The following TMEM108 variants were observed in gnomAD, a reference collection of about 807,000 sequenced individuals.
The protein encoded by TMEM108 is transmembrane protein 108.
TMEM108 carries 12 observed loss-of-function variants against 35.1 expected under a neutral mutation model. That is an observed-to-expected ratio of 0.34 (90% CI 0.22 to 0.55). TMEM108 has a LOEUF of 0.55. Ranked by LOEUF, TMEM108 falls within the 20% of genes least tolerant of loss-of-function variation. The probability of loss-of-function intolerance (pLI) is 0.89; values close to 1 mark genes in which losing one functional copy is unlikely to be tolerated. For missense variants in TMEM108, 680 were observed against 753.3 expected (o/e 0.90, Z 1.14); for synonymous variants, 287 against 308.6 (o/e 0.93, Z 0.73).
At chr3:133,350,398 G>A (rs1311110580) in intron 3 of TMEM108, among the ~76,000 whole-genome samples, 1 of 151,960 alleles carries the variant, frequency 6.6e-6, no homozygotes, top group Non-Finnish European at 1.5e-5. Flanking sequence ...GTAAAACATT[G>A]TGTATTACTA....
chr3:133,390,985 C>T (rs1025031657), intron 5 of TMEM108, among the ~76,000 whole-genome samples: 2 of 152,218 alleles, frequency 1.3e-5, no homozygotes, highest in Non-Finnish European at 2.9e-5. Flanking sequence ...ACTTTAACCA[C>T]AGAATCCATA....
intron 2 of TMEM108, among the ~76,000 whole-genome samples, chr3:133,064,437 T>G (rs940726935): frequency 7.2e-5 from 11 of 152,222 alleles, no homozygotes; most frequent in African/African-American, 2.7e-4. Flanking sequence ...TCACAGTCTG[T>G]TGAGCCCTAA....
intron 3 of TMEM108, among the ~76,000 whole-genome samples, chr3:133,343,633 A>G (rs2071729252): frequency 6.6e-6 from 1 of 151,872 alleles, no homozygotes; most frequent in African/African-American, 2.4e-5. Context: ...CAAAAAGAAA[A>G]GGAAACTATA....
chr3:133,267,242 C>T (rs1946712339), intron 3 of TMEM108, among the ~76,000 whole-genome samples: 2 of 152,190 alleles, frequency 1.3e-5, no homozygotes, highest in African/African-American at 4.8e-5. Flanking sequence ...ATATAGTCCT[C>T]TGCCTCTAAG....
chr3:133,157,766 T>G (rs1944901548), intron 2 of TMEM108, among the ~76,000 whole-genome samples: 1 of 152,230 alleles, frequency 6.6e-6, no homozygotes, highest in South Asian at 2.1e-4. Context: ...ATAGTCACTC[T>G]GATGATCCAA....
At chr3:133,061,212 C>CTTTT (rs778632376) in intron 2 of TMEM108, among the ~76,000 whole-genome samples, 2,691 of 129,910 alleles carry the variant, frequency 0.021, 68 homozygotes, top group South Asian at 0.048. Context: ...GGCATGTCTC[C>CTTTT]TTTTTTTTTT....
chr3:133,372,896 T>C (rs534585312), intron 3 of TMEM108, among the ~76,000 whole-genome samples: 1 of 152,344 alleles, frequency 6.6e-6, no homozygotes, highest in South Asian at 2.1e-4. Context: ...GTCACAGGCA[T>C]GGATTGCCTC....
chr3:133,252,659 CAAAAA>C (rs1404717954), intron 3 of TMEM108, among the ~76,000 whole-genome samples: 1 of 151,752 alleles, frequency 6.6e-6, no homozygotes, highest in Non-Finnish European at 1.5e-5. Context: ...AGTAGAGAAA[CAAAAA>C]AGAAAAGATG....
At chr3:133,070,179 C>CT (rs1576302456) in intron 2 of TMEM108, among the ~76,000 whole-genome samples, 1 of 152,094 alleles carries the variant, frequency 6.6e-6, no homozygotes, top group South Asian at 2.1e-4. Flanking sequence ...CTTACCACAC[C>CT]TTTTTTTCAG....
At chr3:133,220,326 G>A (rs376087327) in intron 2 of TMEM108, among the ~76,000 whole-genome samples, 31 of 151,918 alleles carry the variant, frequency 2.0e-4, no homozygotes, top group African/African-American at 7.0e-4. Flanking sequence ...GACCAGGCTG[G>A]AGTGCAGCAG....
At chr3:133,239,923 T>G (rs1946289937) in intron 3 of TMEM108, among the ~76,000 whole-genome samples, 1 of 152,188 alleles carries the variant, frequency 6.6e-6, no homozygotes, top group African/African-American at 2.4e-5. Context: ...CTGTTAGAAC[T>G]TGAAGTTTCA....
intron 2 of TMEM108, among the ~76,000 whole-genome samples, chr3:133,204,491 G>C (rs1945720834): frequency 6.6e-6 from 1 of 152,062 alleles, no homozygotes; most frequent in African/African-American, 2.4e-5. Context: ...AGAGATTCGG[G>C]TACATTGTGT....
intron 2 of TMEM108, among the ~76,000 whole-genome samples, chr3:133,102,703 C>T (rs982074403): frequency 6.6e-6 from 1 of 152,144 alleles, no homozygotes; most frequent in African/African-American, 2.4e-5. Flanking sequence ...TATCACATAT[C>T]CTCATTCTAA....
chr3:133,389,204 A>C, intron 4 of TMEM108: 1 of 985,578 alleles, frequency 1.0e-6, no homozygotes, highest in Non-Finnish European at 1.2e-6. Flanking sequence ...CAAGCCACTC[A>C]ATTCACACAT....
intron 2 of TMEM108, among the ~76,000 whole-genome samples, chr3:133,128,725 G>A (rs1035921384): frequency 6.6e-6 from 1 of 152,134 alleles, no homozygotes; most frequent in African/African-American, 2.4e-5. Context: ...GGTTTCTTGG[G>A]TGAAGAAACA....
At chr3:133,313,290 C>T (rs774903517) in intron 3 of TMEM108, among the ~76,000 whole-genome samples, 11 of 151,892 alleles carry the variant, frequency 7.2e-5, no homozygotes, top group African/African-American at 1.9e-4. Flanking sequence ...CTCCGCCTCC[C>T]GGGTGCACAC....
At chr3:133,395,803 A>C (rs2073297140) in intron 5 of TMEM108, 61 bp from the exon 6 acceptor site, 1 of 1,452,758 alleles carries the variant, frequency 6.9e-7, no homozygotes, top group Admixed American at 2.5e-5. Flanking sequence ...ACATTTCTTT[A>C]AGAATGGCCA....
At chr3:133,203,161 G>A (rs1282742257) in intron 2 of TMEM108, among the ~76,000 whole-genome samples, 1 of 152,190 alleles carries the variant, frequency 6.6e-6, no homozygotes, top group Admixed American at 6.5e-5. Context: ...AGACTTTGCT[G>A]AAGTTGCTTA....
intron 2 of TMEM108, among the ~76,000 whole-genome samples, chr3:133,168,734 T>C (rs895804813): frequency 6.6e-6 from 1 of 152,176 alleles, no homozygotes; most frequent in Non-Finnish European, 1.5e-5. Flanking sequence ...CCTTTCACAC[T>C]GTGGAAGCTT....
Sources: allele counts gnomAD v4.1 joint callset (sites outside exome capture counted in the v4.1 genomes callset), GRCh38; gene constraint gnomAD v4.1.1; transcripts MANE v1.5; gene names NCBI Gene and HGNC (gene_info 2026-07-23, HGNC 2026-07-21).